The following FBXW7 variants were observed in gnomAD, a reference collection of about 807,000 sequenced individuals.
FBXW7 encodes the protein F-box/WD repeat-containing protein 7.
FBXW7 carries 11 observed loss-of-function variants against 86.3 expected under a neutral mutation model. That is an observed-to-expected ratio of 0.13 (90% CI 0.08 to 0.21). The LOEUF (loss-of-function observed/expected upper bound fraction) is 0.21. FBXW7 is among the 10% of genes least tolerant of loss of function. The pLI, the probability that FBXW7 is intolerant of heterozygous loss-of-function variation, is 1.00. For synonymous variants in FBXW7, 313 were observed against 297.9 expected (o/e 1.05, Z -0.52); for missense variants, 488 against 847.4 (o/e 0.58, Z 5.27).
At chr4:152,520,393 A>G (rs375149510) in intron 2 of FBXW7, among the ~76,000 whole-genome samples, 2,106 of 149,934 alleles carry the variant, frequency 0.014, 22 homozygotes, top group Middle Eastern at 0.035. Flanking sequence ...AGATTGCGCC[A>G]CTGCAGTCCG....
At chr4:152,394,639 G>C (rs895107465) in intron 4 of FBXW7, among the ~76,000 whole-genome samples, 20 of 152,088 alleles carry the variant, frequency 1.3e-4, no homozygotes, top group Non-Finnish European at 2.9e-5. Flanking sequence ...GCCTGAACTA[G>C]TGAGTTAGTT....
chr4:152,332,348 C>T (rs1032239700), intron 8 of FBXW7, among the ~76,000 whole-genome samples: 1 of 151,986 alleles, frequency 6.6e-6, no homozygotes, highest in African/African-American at 2.4e-5. Flanking sequence ...TTTAAGTCAT[C>T]CTCATCTTGA....
rs377015617 is a variant in FBXW7 at position 152,451,298 on chromosome 4, C to T, written c.-119-38769G>A. ...CTTTAATTGCAAGTAACTGTCAAAA[C>T]TTGTTTTAAAAATATTTAACAATCC... On this transcript the variant is annotated intron_variant, in intron 2 of 13. Coordinates refer to ENST00000281708, the MANE Select transcript of FBXW7 (RefSeq NM_001349798.2). Among the ~76,000 whole-genome samples, 3 of 152,184 alleles carry T rather than the reference C, an allele frequency of 2.0e-5. No homozygotes were observed. In the East Asian group the frequency reaches 5.8e-4, roughly 29 times the overall value.
intron 4 of FBXW7, among the ~76,000 whole-genome samples, chr4:152,373,118 C>A (rs1395077214): frequency 1.3e-5 from 2 of 152,016 alleles, no homozygotes. Context: ...CCGTTTCCTG[C>A]AGTGGCTGTG....
At chr4:152,327,334 G>GT (rs1256189889) in intron 11 of FBXW7, among the ~76,000 whole-genome samples, 1 of 152,008 alleles carries the variant, frequency 6.6e-6, no homozygotes, top group African/African-American at 2.4e-5. Context: ...TCTGCTTAAT[G>GT]TAATTGTTCT....
intron 2 of FBXW7, among the ~76,000 whole-genome samples, chr4:152,424,175 G>A (rs75024275): frequency 0.014 from 2,082 of 152,102 alleles, 26 homozygotes; most frequent in Middle Eastern, 0.037. Context: ...CCAGGAAGCT[G>A]CTTATTTTAA....
At position 152,322,172 on chromosome 4, in the gene FBXW7, G is replaced by C. The variant is rs4399968; in HGVS notation, c.*709C>G. ...ATTTGAAGACCTACTTCTAGCACCA[G>C]CATCAAGAATTAAATCCATCTCAGG... On this transcript the variant is annotated 3_prime_UTR_variant, in exon 14 of 14. Transcript: ENST00000281708. 1.5e-3 allele frequency: 343 copies of C among 233,280 alleles called. No individual in the cohort carries two copies. The highest frequency in any genetic ancestry group is 2.6e-3 in the Non-Finnish European group (307 of 117,830). 14.5% of individuals were successfully genotyped at this position (233,280 alleles called of 1,614,324 possible).
chr4:152,468,738 CAATA>C (rs1387138376), intron 2 of FBXW7, among the ~76,000 whole-genome samples: 4 of 151,818 alleles, frequency 2.6e-5, no homozygotes, highest in African/African-American at 9.7e-5. Context: ...AATTTCATCT[CAATA>C]AAACTGTCAC....
rs746075746 is a variant in FBXW7 at position 152,324,154 on chromosome 4, T to C, written c.1855+30A>G. ...TCTTGAATAATGATCTCATTTTTAATGAACAAAACGAAAGGTGAGTAAGAC... is the reference window on the plus strand; with the variant it reads ...TCTTGAATAATGATCTCATTTTTAACGAACAAAACGAAAGGTGAGTAAGAC... On this transcript the variant is annotated intron_variant, in intron 13 of 13. Transcript: ENST00000281708. 4.5e-6 allele frequency: 7 copies of C among 1,554,776 alleles called. No homozygotes were observed. In the South Asian group the frequency reaches 6.7e-5, roughly 15 times the overall value.
At chr4:152,534,530 G>T (rs1750312416) in intron 2 of FBXW7, among the ~76,000 whole-genome samples, 1 of 152,108 alleles carries the variant, frequency 6.6e-6, no homozygotes, top group Admixed American at 6.5e-5. Flanking sequence ...GGGTCCACAG[G>T]TTAAGTAGTT....
intron 2 of FBXW7, among the ~76,000 whole-genome samples, chr4:152,485,927 T>TTTG (rs1259467845): frequency 1.3e-5 from 2 of 152,130 alleles, no homozygotes; most frequent in African/African-American, 4.8e-5. Flanking sequence ...GAGAAATGTG[T>TTTG]TTGTTAGGCT....
intron 2 of FBXW7, among the ~76,000 whole-genome samples, chr4:152,491,809 A>C (rs756096523): frequency 2.0e-5 from 3 of 152,090 alleles, no homozygotes; most frequent in Non-Finnish European, 4.4e-5. Context: ...GCAACCACCA[A>C]CGTTCTGCAA....
chr4:152,432,945 T>C lies in FBXW7; in HGVS notation c.-119-20416A>G, dbSNP rs1740046407. Among the ~76,000 whole-genome samples, 3 of 152,344 alleles carry C rather than the reference T, an allele frequency of 2.0e-5. No individual in the cohort carries two copies. The South Asian group carries it at 6.2e-4, about 32-fold the overall frequency. Reference sequence around the variant, plus strand: ...CATCAGTGCAGATTAGTTTTGTGGATTTTGAAACATCATTTTTATATGATG... The same window carrying C: ...CATCAGTGCAGATTAGTTTTGTGGACTTTGAAACATCATTTTTATATGATG... On this transcript the variant is annotated intron_variant, in intron 2 of 13. Transcript: ENST00000281708.
At chr4:152,461,207 C>T (rs868198234) in intron 2 of FBXW7, among the ~76,000 whole-genome samples, 6 of 152,208 alleles carry the variant, frequency 3.9e-5, no homozygotes, top group African/African-American at 1.4e-4. Context: ...GAGCCGAGAT[C>T]GCACCACTGC....
intron 4 of FBXW7, among the ~76,000 whole-genome samples, chr4:152,364,920 A>G (rs1027601801): frequency 2.6e-5 from 4 of 152,206 alleles, no homozygotes; most frequent in Non-Finnish European, 4.4e-5. Flanking sequence ...AGATACTCCC[A>G]TTCATTCAAT....
intron 3 of FBXW7, 117 bp from the exon 4 acceptor site, chr4:152,411,989 A>G (rs375270740): frequency 3.3e-6 from 3 of 915,634 alleles, no homozygotes; most frequent in East Asian, 2.7e-5. Context: ...TATTGATGCC[A>G]CCAAGGCATT....
intron 4 of FBXW7, among the ~76,000 whole-genome samples, chr4:152,410,077 T>C (rs1737796967): frequency 6.6e-6 from 1 of 152,190 alleles, no homozygotes; most frequent in Non-Finnish European, 1.5e-5. Flanking sequence ...CTAACTAGCT[T>C]TTTTTGCTTT....
At chr4:152,490,884 A>C (rs1002407079) in intron 2 of FBXW7, among the ~76,000 whole-genome samples, 10 of 152,186 alleles carry the variant, frequency 6.6e-5, no homozygotes, top group African/African-American at 2.4e-4. Flanking sequence ...AGTACAAAAA[A>C]TAACAAAACA....
At chr4:152,363,333 C>T (rs1462958846) in intron 4 of FBXW7, among the ~76,000 whole-genome samples, 2 of 152,002 alleles carry the variant, frequency 1.3e-5, no homozygotes, top group African/African-American at 2.4e-5. Context: ...AAGCCAAGCA[C>T]TAAGCAAAAA....
Sources: gnomAD v4.1 joint callset for allele counts (sites outside exome capture counted in the v4.1 genomes callset) on GRCh38, gnomAD v4.1.1 for gene constraint, MANE v1.5 for transcripts, NCBI Gene and HGNC (gene_info 2026-07-23, HGNC 2026-07-21) for gene names.